The following LRRC2 variants were observed in gnomAD, a reference collection of about 807,000 sequenced individuals.
The protein encoded by LRRC2 is leucine-rich repeat-containing protein 2.
In LRRC2, 27 loss-of-function variants were observed where a neutral mutation model predicts 40.2. The observed-to-expected ratio is 0.67, with a 90% confidence interval of 0.49 to 0.93. The LOEUF is 0.93. Ranked by LOEUF, LRRC2 falls within the 40% of genes least tolerant of loss-of-function variation. LRRC2 has a pLI of 0.00. For synonymous variants in LRRC2, 147 were observed against 158.9 expected (o/e 0.92, Z 0.56); for missense variants, 402 against 439.6 (o/e 0.91, Z 0.76).
intron 8 of LRRC2, 95 bp from the exon 9 acceptor site, chr3:46,519,158 A>G: frequency 1.2e-6 from 1 of 830,994 alleles, no homozygotes; most frequent in East Asian, 2.4e-5. Context: ...GTATGTCAAT[A>G]CACCCATTAT....
chr3:46,542,252 C>T (rs1210054175), intron 3 of LRRC2, among the ~76,000 whole-genome samples: 2 of 152,096 alleles, frequency 1.3e-5, no homozygotes, highest in African/African-American at 4.8e-5. Context: ...CTATCCAGCA[C>T]TTTGGGAGGC....
chr3:46,551,714 T>C (rs934582897), intron 1 of LRRC2, 104 bp from the exon 2 acceptor site: 1 of 754,802 alleles, frequency 1.3e-6, no homozygotes, highest in African/African-American at 1.8e-5. Context: ...GCTTAAGGAA[T>C]GATGATATGC....
chr3:46,519,990 T>A, intron 8 of LRRC2, among the ~76,000 whole-genome samples: 1 of 152,014 alleles, frequency 6.6e-6, no homozygotes, highest in South Asian at 2.1e-4. Flanking sequence ...GTGTTCAATC[T>A]AATACATATG....
At chr3:46,550,683 G>A (rs576814254) in intron 2 of LRRC2, among the ~76,000 whole-genome samples, 8 of 152,268 alleles carry the variant, frequency 5.3e-5, no homozygotes, top group Middle Eastern at 3.4e-3. Context: ...GAGCCACTGC[G>A]CCCAGCCCCT....
intron 2 of LRRC2, among the ~76,000 whole-genome samples, chr3:46,547,163 T>C (rs775692988): frequency 2.6e-5 from 4 of 152,180 alleles, no homozygotes; most frequent in Non-Finnish European, 5.9e-5. Flanking sequence ...TGTTTTGCTT[T>C]TAAGAAACCA....
At chr3:46,519,381 A>C (rs1703925691) in intron 8 of LRRC2, among the ~76,000 whole-genome samples, 1 of 152,234 alleles carries the variant, frequency 6.6e-6, no homozygotes. Context: ...AATAGTTGAC[A>C]AAATAGAAAT....
At chr3:46,531,783 G>A (rs1704164953) in intron 5 of LRRC2, among the ~76,000 whole-genome samples, 1 of 152,082 alleles carries the variant, frequency 6.6e-6, no homozygotes, top group Non-Finnish European at 1.5e-5. Context: ...CTCCTACCCT[G>A]CAGCATTCAG....
At chr3:46,543,333 C>G (rs1017818346) in intron 3 of LRRC2, among the ~76,000 whole-genome samples, 1 of 152,092 alleles carries the variant, frequency 6.6e-6, no homozygotes, top group Non-Finnish European at 1.5e-5. Context: ...ACACGCTTTA[C>G]AGGCCAGGTG....
intron 6 of LRRC2, 44 bp from the exon 7 acceptor site, chr3:46,527,625 T>C (rs1704083479): frequency 2.0e-6 from 3 of 1,531,126 alleles, no homozygotes; most frequent in Non-Finnish European, 1.8e-6. Flanking sequence ...CTTAGCATCA[T>C]AGCTAAGAAA....
In LRRC2 at chr3:46,536,110, T is replaced by A. The variant is rs377699905; in HGVS notation, c.490+2935A>T. Among the ~76,000 whole-genome samples the A allele has an allele frequency of 5.1e-4, 77 of 152,336 alleles. 1 individual carries two copies. Among genetic ancestry groups the A allele is most frequent in the African/African-American group, 1.1e-3 (44 of 41,566 alleles). On this transcript the variant is annotated intron_variant, in intron 4 of 8. Transcript: ENST00000395905. The stretch of plus-strand genomic sequence containing the variant: ...TGTAAGCCCATGTGTGTAAGTATAT[T>A]TAACATGCATGGTTACATGTCTGTT...
Position 46,539,054 on chromosome 3 carries a change from C to A in LRRC2, c.481G>T (p.Ala161Ser). ...LPKNQISHLPAEIGCLKNLKE... is the reference protein window; with the variant it reads ...LPKNQISHLPSEIGCLKNLKE... ...TGCTAAGTTGACATACCGATTTCTG[C>A]TGGAAGATGTGAGATTTGGTTTTTT... The change falls in exon 4 of 9, where the codon GCA becomes TCA. Residue 161 changes from alanine to serine, a missense_variant. Coordinates refer to ENST00000395905, the MANE Select transcript of LRRC2 (RefSeq NM_024512.5). The A allele has an allele frequency of 1.2e-6, 2 of 1,613,604 alleles. No individual in the cohort carries two copies. The highest frequency in any genetic ancestry group is 2.2e-5 in the South Asian group (2 of 90,998).
intron 3 of LRRC2, among the ~76,000 whole-genome samples, chr3:46,544,509 T>C (rs190627096): frequency 1.0e-3 from 159 of 152,216 alleles, no homozygotes; most frequent in African/African-American, 3.7e-3. Flanking sequence ...AATGGCAAGA[T>C]ACAAAGAGAT....
chr3:46,530,098 A>G (rs1281543647), intron 5 of LRRC2, 48 bp from the exon 6 acceptor site: 1 of 1,466,852 alleles, frequency 6.8e-7, no homozygotes, highest in Admixed American at 1.7e-5. Context: ...AAGAGTGGGA[A>G]TTAAGTTCAA....
At chr3:46,528,731 G>A (rs1181660631) in intron 6 of LRRC2, among the ~76,000 whole-genome samples, 2 of 151,966 alleles carry the variant, frequency 1.3e-5, no homozygotes, top group Non-Finnish European at 2.9e-5. Flanking sequence ...CATGTACCAG[G>A]AATAAAAAAA....
At chr3:46,555,687 T>C (rs2107048633) in intron 1 of LRRC2, among the ~76,000 whole-genome samples, 1 of 152,326 alleles carries the variant, frequency 6.6e-6, no homozygotes, top group East Asian at 1.9e-4. Context: ...TCTTATGTAT[T>C]ATGTCAATCA....
At chr3:46,531,148 T>C (rs1704154106) in intron 5 of LRRC2, among the ~76,000 whole-genome samples, 1 of 102,956 alleles carries the variant, frequency 9.7e-6, no homozygotes, top group African/African-American at 3.1e-5. Flanking sequence ...CAATTATAGT[T>C]AGATTTTTTT....
intron 1 of LRRC2, among the ~76,000 whole-genome samples, chr3:46,565,573 C>T (rs1242642739): frequency 6.6e-6 from 1 of 152,124 alleles, no homozygotes; most frequent in Non-Finnish European, 1.5e-5. Context: ...ATGGGTGAAC[C>T]CCCCAGTCCC....
intron 1 of LRRC2, among the ~76,000 whole-genome samples, chr3:46,565,018 AT>A (rs1389719816): frequency 1.3e-5 from 2 of 152,248 alleles, no homozygotes; most frequent in Non-Finnish European, 2.9e-5. Flanking sequence ...GAGTTTTCTG[AT>A]AGAAACGGGG....
chr3:46,542,689 A>C (rs549323232), intron 3 of LRRC2, among the ~76,000 whole-genome samples: 2 of 152,360 alleles, frequency 1.3e-5, no homozygotes, highest in Admixed American at 1.3e-4. Flanking sequence ...AACAAACAGC[A>C]AACAGCTCGG....
Sources: allele counts gnomAD v4.1 joint callset (sites outside exome capture counted in the v4.1 genomes callset), GRCh38; gene constraint gnomAD v4.1.1; transcripts MANE v1.5; gene names NCBI Gene and HGNC (gene_info 2026-07-23, HGNC 2026-07-21).